CALD1: variants seen among roughly 807,000 people sequenced by gnomAD.
The protein encoded by CALD1 is caldesmon.
CALD1 carries 33 observed loss-of-function variants against 99.9 expected under a neutral mutation model. The ratio of observed to expected loss-of-function variants is 0.33; its 90% CI spans 0.25 to 0.44. The LOEUF is 0.44. CALD1 is among the 20% of genes least tolerant of loss of function. The pLI is 1.00. For synonymous variants in CALD1, 310 were observed against 325.0 expected (o/e 0.95, Z 0.50); for missense variants, 861 against 962.1 (o/e 0.89, Z 1.39).
chr7:134,882,149 A>G (rs888691401), intron 3 of CALD1, among the ~76,000 whole-genome samples: 6 of 152,200 alleles, frequency 3.9e-5, no homozygotes, highest in Non-Finnish European at 8.8e-5. Context: ...CTTGTGTATC[A>G]AGGCACAACT....
At chr7:134,771,734 C>T (rs1183246520) in intron 1 of CALD1, among the ~76,000 whole-genome samples, 1 of 152,160 alleles carries the variant, frequency 6.6e-6, no homozygotes, top group Non-Finnish European at 1.5e-5. Context: ...CACTGGCTCT[C>T]ACTCCTCCCC....
At chr7:134,850,968 C>G (rs1365590611) in intron 2 of CALD1, among the ~76,000 whole-genome samples, 1 of 152,168 alleles carries the variant, frequency 6.6e-6, no homozygotes, top group African/African-American at 2.4e-5. Context: ...TGTAAGACGT[C>G]CCTTTGCTCC....
intron 3 of CALD1, among the ~76,000 whole-genome samples, chr7:134,899,266 C>T (rs1181234212): frequency 1.3e-5 from 2 of 150,748 alleles, no homozygotes; most frequent in Non-Finnish European, 1.5e-5. Flanking sequence ...TGCAATGGCA[C>T]GATCTCGGCT....
intron 1 of CALD1, among the ~76,000 whole-genome samples, chr7:134,842,474 G>T (rs551571751): frequency 1.1e-4 from 16 of 152,212 alleles, no homozygotes; most frequent in African/African-American, 3.9e-4. Flanking sequence ...AAGTCACAGA[G>T]GAATTGTTTT....
chr7:134,933,465 G>C lies in CALD1; in HGVS notation c.696G>C (p.Gln232His), dbSNP rs1489033701. 2 of 1,613,980 alleles carry C rather than the reference G, an allele frequency of 1.2e-6. No individual in the cohort carries two copies. Among genetic ancestry groups the C allele is most frequent in the African/African-American group, 1.3e-5 (1 of 74,972 alleles). ...TGGTAATGTCATTAAAAAATGGGCA[G>C]ATCAGTTCAGAAGAGCCTAAACAAG... ...ETVVMSLKNG[Q>H]ISSEEPKQEE... is the part of the protein sequence containing the mutation. Residue 232 changes from glutamine (Q) to histidine (H), a missense_variant, in exon 5 of 15, where the codon CAG becomes CAC. Physicochemically the swap from Gln to His is conservative, Grantham distance 24. Coordinates refer to ENST00000361675, the MANE Select transcript of CALD1 (RefSeq NM_033138.4).
intron 1 of CALD1, among the ~76,000 whole-genome samples, chr7:134,824,393 CA>C (rs1207941720): frequency 6.6e-6 from 1 of 152,212 alleles, no homozygotes; most frequent in East Asian, 1.9e-4. Context: ...ATTCAAACAA[CA>C]GTGAATGAAA....
chr7:134,735,972 A>C, the CALD1 span, among the ~76,000 whole-genome samples: 3 of 152,238 alleles, frequency 2.0e-5, no homozygotes, highest in Non-Finnish European at 4.4e-5. Context: ...CACACTGAGC[A>C]GAAATCTGTA....
intron 1 of CALD1, among the ~76,000 whole-genome samples, chr7:134,821,467 TA>T: frequency 6.6e-6 from 1 of 152,198 alleles, no homozygotes; most frequent in Non-Finnish European, 1.5e-5. Flanking sequence ...ATTTTAGAGA[TA>T]TCCAGAATTT....
chr7:134,839,582 T>G (rs1045942465), intron 1 of CALD1, among the ~76,000 whole-genome samples: 1 of 152,240 alleles, frequency 6.6e-6, no homozygotes, highest in African/African-American at 2.4e-5. Context: ...TCTTTTAAAT[T>G]TTAGCTATTC....
chr7:134,907,472 G>A (rs1803477189), intron 3 of CALD1, among the ~76,000 whole-genome samples: 1 of 151,708 alleles, frequency 6.6e-6, no homozygotes, highest in Admixed American at 6.6e-5. Flanking sequence ...GTCTGTCCCA[G>A]GTCCTAGAAC....
the CALD1 span, among the ~76,000 whole-genome samples, chr7:134,726,847 A>G: frequency 6.6e-6 from 1 of 152,244 alleles, no homozygotes; most frequent in South Asian, 2.1e-4. Flanking sequence ...ATCTTGCTCC[A>G]GAGCCCATCT....
rs200479851 is a variant in CALD1, at chr7:134,758,498, T to TGG, written c.-130+14138_-130+14139dup. ...TCTTTTAAATATCTGCAGCTCCCAT[T>TGG]GGGGTGTGTGTGTGTGTGTGTGTGT... is the stretch of plus-strand genomic sequence containing the variant. On this transcript the variant is annotated intron_variant, in intron 1 of 13. Coordinates refer to the CALD1 transcript ENST00000417172. 2.8e-3 allele frequency among the ~76,000 whole-genome samples: 298 copies of TGG among 105,318 alleles called. 2 individuals are homozygous for TGG. The highest frequency in any genetic ancestry group is 4.6e-3 in the Middle Eastern group (1 of 216). The allele number at this position is 105,318 out of a possible 152,430, so 69.1% of individuals were successfully genotyped here. A position where few individuals can be genotyped will look rare whatever the true frequency, so the allele number is the denominator to read the frequency against.
rs1308656692 is a variant in CALD1 at position 134,970,628 on chromosome 7, T to C, written c.*2283T>C. 3.3e-5 allele frequency: 5 copies of C among 152,646 alleles called. No individual in the cohort carries two copies. Among genetic ancestry groups the C allele is most frequent in the Non-Finnish European group, 1.5e-5 (1 of 68,044 alleles). The allele number at this position is 152,646 out of a possible 1,614,324, so 9.5% of individuals were successfully genotyped here. ...AAAATGCATCCACAATAAATGGAATTCCTTCCTGCAAAATGTCTTTTTCTC... is the reference window on the plus strand; with the variant it reads ...AAAATGCATCCACAATAAATGGAATCCCTTCCTGCAAAATGTCTTTTTCTC... On this transcript the variant is annotated 3_prime_UTR_variant, in exon 15 of 15. Transcript: ENST00000361675.
chr7:134,884,470 G>A (rs1801757194), intron 3 of CALD1, among the ~76,000 whole-genome samples: 1 of 152,150 alleles, frequency 6.6e-6, no homozygotes, highest in Admixed American at 6.5e-5. Context: ...TTGGGAATGA[G>A]AGTTCTCCAG....
At position 134,947,701 on chromosome 7, in the gene CALD1, A is replaced by G. The variant is rs1385414837; in HGVS notation, c.1726A>G (p.Arg576Gly). The stretch of plus-strand genomic sequence containing the variant: ...ACTCAAGAAAAAGAGGGAGGAGAGA[A>G]GGAAGGTCCTGGAGGAGGAAGAGCA... ...EELKKKREER[R>G]KVLEEEEQRR... is the part of the protein sequence containing the mutation. The change falls in exon 8 of 15, where the codon AGG becomes GGG. Residue 576 changes from arginine (R) to glycine (G), a missense_variant. Transcript: ENST00000361675. 1 of 1,611,176 alleles carries G rather than the reference A, an allele frequency of 6.2e-7. No homozygotes were observed. The highest frequency in any genetic ancestry group is 1.1e-5 in the South Asian group (1 of 90,578).
chr7:134,883,416 A>G (rs1801699376), intron 3 of CALD1, among the ~76,000 whole-genome samples: 1 of 152,182 alleles, frequency 6.6e-6, no homozygotes, highest in Admixed American at 6.5e-5. Flanking sequence ...TGTTAACATT[A>G]AAAAGCTTTC....
chr7:134,813,933 T>C (rs1018476795), intron 1 of CALD1, among the ~76,000 whole-genome samples: 2 of 152,078 alleles, frequency 1.3e-5, no homozygotes, highest in African/African-American at 2.4e-5. Flanking sequence ...CACAAGATCA[T>C]TGGAGGACAG....
At position 134,805,927 on chromosome 7, in the gene CALD1, A is replaced by G. The variant is rs570781209; in HGVS notation, c.-130+26178A>G. Among the ~76,000 whole-genome samples the G allele has an allele frequency of 1.5e-4, 23 of 151,350 alleles. No individual in the cohort carries two copies. The South Asian group carries it at 4.8e-3, about 32-fold the overall frequency. On this transcript the variant is annotated intron_variant, in intron 1 of 14. Coordinates refer to ENST00000361675, the MANE Select transcript of CALD1 (RefSeq NM_033138.4). ...AGACACGTGCCACCACACCCGGCCA[A>G]TTTTTGTATTTTTAGTAGAGATAGG...
intron 1 of CALD1, among the ~76,000 whole-genome samples, chr7:134,768,992 G>T (rs1796854344): frequency 6.6e-6 from 1 of 151,522 alleles, no homozygotes; most frequent in South Asian, 2.1e-4. Context: ...TGAGTTTCAG[G>T]TACATCTAGG....
Sources: allele counts gnomAD v4.1 joint callset (sites outside exome capture counted in the v4.1 genomes callset), GRCh38; gene constraint gnomAD v4.1.1; transcripts MANE v1.5; gene names NCBI Gene and HGNC (gene_info 2026-07-23, HGNC 2026-07-21).